SULT2B1: variants seen among roughly 807,000 people sequenced by gnomAD.
SULT2B1 encodes sulfotransferase 2B1.
In SULT2B1, 16 loss-of-function variants were observed where a neutral mutation model predicts 33.2. The observed-to-expected ratio is 0.48, with a 90% CI of 0.33 to 0.73. SULT2B1 has a LOEUF of 0.73. Ranked by LOEUF, SULT2B1 falls within the 30% of genes least tolerant of loss-of-function variation. The pLI, the probability that SULT2B1 is intolerant of heterozygous loss-of-function variation, is 0.02. For synonymous variants in SULT2B1, 186 were observed against 200.5 expected, an observed-to-expected ratio of 0.93 and a Z score of 0.61; for missense variants, 500 against 506.0, an observed-to-expected ratio of 0.99 and a Z score of 0.11.
At chr19:48,589,949 A>T (rs1199981449) in intron 3 of SULT2B1, among the ~76,000 whole-genome samples, 4 of 152,178 alleles carry the variant, frequency 2.6e-5, no homozygotes, top group African/African-American at 9.7e-5. Context: ...GGACAGAACA[A>T]GACCTTGTTT....
At chr19:48,584,729 A>G (rs1043646507) in intron 2 of SULT2B1, among the ~76,000 whole-genome samples, 1 of 152,128 alleles carries the variant, frequency 6.6e-6, no homozygotes, top group Non-Finnish European at 1.5e-5. Flanking sequence ...ACACAGTGAG[A>G]CCCCATCTCT....
intron 6 of SULT2B1, among the ~76,000 whole-genome samples, 193 bp downstream of exon 6, chr19:48,597,112 G>A (rs935576247): frequency 5.3e-5 from 8 of 152,076 alleles, no homozygotes; most frequent in African/African-American, 1.2e-4. Flanking sequence ...CACCCGAGGC[G>A]TCCCCATCCA....
Position 48,579,701 on chromosome 19 carries a change from G to T in SULT2B1, c.214+3618G>T, listed in dbSNP as rs561156599. ...GGCTCACTGCAACCTCTGCCTCCTAGGTTCAAGCGATTCTCCTGCCTCAGC... is the reference window on the plus strand; with the variant it reads ...GGCTCACTGCAACCTCTGCCTCCTATGTTCAAGCGATTCTCCTGCCTCAGC... On this transcript the variant is annotated intron_variant, in intron 2 of 6. Coordinates refer to ENST00000201586, the MANE Select transcript of SULT2B1 (RefSeq NM_177973.2). 1.7e-4 allele frequency among the ~76,000 whole-genome samples: 25 copies of T among 146,848 alleles called. No individual in the cohort carries two copies. The East Asian group carries it at 2.6e-3, about 15-fold the overall frequency.
intron 3 of SULT2B1, among the ~76,000 whole-genome samples, chr19:48,589,086 C>A (rs929172006): frequency 6.6e-6 from 1 of 152,154 alleles, no homozygotes; most frequent in African/African-American, 2.4e-5. Flanking sequence ...CAGATGGGGA[C>A]CGACTGTCGA....
At chr19:48,580,938 G>A (rs1973477899) in intron 2 of SULT2B1, among the ~76,000 whole-genome samples, 1 of 150,964 alleles carries the variant, frequency 6.6e-6, no homozygotes, top group Non-Finnish European at 1.5e-5. Flanking sequence ...GGTGCCTACT[G>A]GTGTTTCACT....
chr19:48,561,610 A>G (rs1411457036), intron 1 of SULT2B1, among the ~76,000 whole-genome samples: 7 of 152,110 alleles, frequency 4.6e-5, no homozygotes, highest in Non-Finnish European at 8.8e-5. Context: ...GGTGTAGTGG[A>G]GCATGCGACA....
chr19:48,564,951 C>T lies in SULT2B1; in HGVS notation c.72-10990C>T, dbSNP rs140831799. On this transcript the variant is annotated intron_variant, in intron 1 of 6. Coordinates refer to ENST00000201586, the MANE Select transcript of SULT2B1 (RefSeq NM_177973.2). ...GACTACAGGTGCGTGCCACCACGCC[C>T]GGCTAATTTTTGTATTTTTAGTACA... Among the ~76,000 whole-genome samples the T allele has an allele frequency of 1.5e-4, 23 of 151,922 alleles. No individual in the cohort carries two copies. The East Asian group carries it at 1.9e-3, about 13-fold the overall frequency.
chr19:48,599,223 G>C lies in SULT2B1; in HGVS notation c.915G>C (p.Pro305=). 6.2e-7 allele frequency: 1 copy of C among 1,607,944 alleles called. No individual in the cohort carries two copies. Among genetic ancestry groups the C allele is most frequent in the Non-Finnish European group, 8.5e-7 (1 of 1,178,318 alleles). The change falls in exon 7 of 7, where the codon CCG becomes CCC. Residue 305 remains proline (P), a synonymous_variant. Transcript: ENST00000201586. This position sits in a 1 kb window ranked among gnomAD's most constrained non-coding sequence, Gnocchi z 4.1. The stretch of plus-strand genomic sequence containing the variant: ...ACCGCAAGCAGATGCGGGGGATGCC[G>C]ACCTTCCCCTGGGATGAAGACCCGG... ...RAYRKQMRGM[P]TFPWDEDPEE... is the part of the protein sequence containing the mutation.
At chr19:48,574,075 T>C (rs1455326076) in intron 1 of SULT2B1, among the ~76,000 whole-genome samples, 3 of 152,186 alleles carry the variant, frequency 2.0e-5, no homozygotes, top group African/African-American at 7.2e-5. Context: ...TTGCTCATGC[T>C]GGTCTCGAAC....
chr19:48,596,889 G>C lies in SULT2B1; in HGVS notation c.796G>C (p.Asp266His). 6.2e-7 allele frequency: 1 copy of C among 1,603,736 alleles called. No homozygotes were observed. Among genetic ancestry groups the C allele is most frequent in the Non-Finnish European group, 8.5e-7 (1 of 1,178,656 alleles). ...NYTLLPPSLL[D>H]HRRGAFLRKG... Reference sequence around the variant, plus strand: ...CACGCTGCTGCCTCCCAGCCTGCTGGACCACCGTCGCGGGGCCTTCCTCCG... The same window carrying C: ...CACGCTGCTGCCTCCCAGCCTGCTGCACCACCGTCGCGGGGCCTTCCTCCG... The change falls in exon 6 of 7, where the codon GAC becomes CAC. Residue 266 changes from aspartate to histidine, a missense_variant. By Grantham distance (81) the Asp-to-His change is moderately conservative (BLOSUM62 -1). Coordinates refer to ENST00000201586, the MANE Select transcript of SULT2B1 (RefSeq NM_177973.2).
At chr19:48,568,599 C>A (rs945889519) in intron 1 of SULT2B1, among the ~76,000 whole-genome samples, 1 of 152,132 alleles carries the variant, frequency 6.6e-6, no homozygotes, top group Admixed American at 6.6e-5. Flanking sequence ...GAGAGCCTGG[C>A]GGGGAGAACA....
chr19:48,568,311 A>T (rs10415318), intron 1 of SULT2B1, among the ~76,000 whole-genome samples: 79,844 of 149,950 alleles, frequency 0.53, 21,869 homozygotes, highest in African/African-American at 0.65. Flanking sequence ...AAGTATTAAA[A>T]AGGGCCGCAA....
At position 48,569,364 on chromosome 19, in the gene SULT2B1, ATATATAT is replaced by A. The variant is rs1973289604; in HGVS notation, c.72-6576_72-6570del. 3.5e-3 allele frequency among the ~76,000 whole-genome samples: 5 copies of A among 1,426 alleles called. 1 individual carries two copies. The highest frequency in any genetic ancestry group is 8.1e-3 in the African/African-American group (4 of 492). The allele number at this position is 1,426 out of a possible 152,430, so 0.9% of individuals were successfully genotyped here. ...CTCAAAAAAAAAAAAAAAAAAAAAC[ATATATAT>A]ATATATATATATATATATATATATA... On this transcript the variant is annotated intron_variant, in intron 1 of 6. Transcript: ENST00000201586.
In SULT2B1 at chr19:48,555,081, C is replaced by G. The variant is rs532600941; in HGVS notation, c.71+2758C>G. Among the ~76,000 whole-genome samples the G allele has an allele frequency of 2.6e-5, 4 of 152,036 alleles. No individual in the cohort carries two copies. In the East Asian group the frequency reaches 5.8e-4, roughly 22 times the overall value. On this transcript the variant is annotated intron_variant, in intron 1 of 6. Transcript: ENST00000201586. ...GGATGACAGGCGCGTGCCACTGCGCCCAGTTAATATTATTACTATTATTTT... is the reference window on the plus strand; with the variant it reads ...GGATGACAGGCGCGTGCCACTGCGCGCAGTTAATATTATTACTATTATTTT...
intron 2 of SULT2B1, among the ~76,000 whole-genome samples, chr19:48,581,500 T>C (rs1568410159): frequency 7.7e-6 from 1 of 129,458 alleles, no homozygotes; most frequent in Admixed American, 8.5e-5. Flanking sequence ...AGACAGAGTC[T>C]CGCTCTGTCA....
chr19:48,596,672 C>T (rs1197079277), intron 5 of SULT2B1, 67 bp from the exon 6 acceptor site: 2 of 1,470,406 alleles, frequency 1.4e-6, no homozygotes, highest in Non-Finnish European at 9.0e-7. Flanking sequence ...ACATGCGGAT[C>T]CCAGGTTCCA....
At chr19:48,580,726 G>A (rs1014116075) in intron 2 of SULT2B1, among the ~76,000 whole-genome samples, 7 of 151,674 alleles carry the variant, frequency 4.6e-5, no homozygotes, top group East Asian at 3.9e-4. Context: ...CTGCAACCTC[G>A]AACTCCTGGG....
chr19:48,561,617 G>A (rs751789857), intron 1 of SULT2B1, among the ~76,000 whole-genome samples: 3 of 152,110 alleles, frequency 2.0e-5, no homozygotes, highest in Non-Finnish European at 2.9e-5. Flanking sequence ...TGGAGCATGC[G>A]ACATTCAGGG....
chr19:48,590,460 G>C (rs1260462934), intron 3 of SULT2B1, among the ~76,000 whole-genome samples: 1 of 152,036 alleles, frequency 6.6e-6, no homozygotes, highest in East Asian at 2.0e-4. Context: ...AAATTAGCCA[G>C]GCATGGTGGC....
Sources: gnomAD v4.1 joint callset for allele counts (sites outside exome capture counted in the v4.1 genomes callset) on GRCh38, gnomAD v4.1.1 for gene constraint, Gnocchi (gnomAD v3.1) non-coding constraint, MANE v1.5 for transcripts, NCBI Gene and HGNC (gene_info 2026-07-23, HGNC 2026-07-21) for gene names.